Variants in NRXN3 observed in about 807,000 individuals in gnomAD.
NRXN3 encodes the protein neurexin III.
NRXN3 carries 32 observed loss-of-function variants against 137.6 expected under a neutral mutation model. That is an observed-to-expected ratio of 0.23 (90% CI 0.18 to 0.31). NRXN3 has a LOEUF of 0.31. NRXN3 is among the 10% of genes least tolerant of loss of function. The pLI, the probability that NRXN3 is intolerant of heterozygous loss-of-function variation, is 1.00. For missense variants in NRXN3, 1,574 were observed against 2,062.5 expected, an observed-to-expected ratio of 0.76 and a Z score of 4.59; for synonymous variants, 798 against 784.5, an observed-to-expected ratio of 1.02 and a Z score of -0.29.
At chr14:78,344,400 A>G (rs1257457103) in intron 4 of NRXN3, among the ~76,000 whole-genome samples, 2 of 152,224 alleles carry the variant, frequency 1.3e-5, no homozygotes, top group African/African-American at 2.4e-5. Flanking sequence ...TCACATGACA[A>G]CATTTCCTAA....
chr14:79,615,614 A>G (rs1380814722), intron 16 of NRXN3, among the ~76,000 whole-genome samples: 1 of 152,170 alleles, frequency 6.6e-6, no homozygotes, highest in Non-Finnish European at 1.5e-5. Context: ...GGAAACTTAC[A>G]ATCATGGTGG....
At chr14:79,045,551 G>T (rs2099631805) in intron 15 of NRXN3, among the ~76,000 whole-genome samples, 1 of 152,090 alleles carries the variant, frequency 6.6e-6, no homozygotes, top group African/African-American at 2.4e-5. Flanking sequence ...TCCCATGGAT[G>T]TTCTCTCTGT....
chr14:78,174,607 C>A (rs1345169543), intron 1 of NRXN3, among the ~76,000 whole-genome samples: 3 of 152,140 alleles, frequency 2.0e-5, no homozygotes, highest in African/African-American at 7.2e-5. Flanking sequence ...AAGCAGGAGG[C>A]TGCCTGCCTC....
chr14:78,692,846 C>T (rs1397310435), intron 6 of NRXN3, among the ~76,000 whole-genome samples: 3 of 149,468 alleles, frequency 2.0e-5, no homozygotes, highest in Admixed American at 6.6e-5. Flanking sequence ...TTTGGGAGGC[C>T]GAGGTGGGTG....
intron 16 of NRXN3, among the ~76,000 whole-genome samples, chr14:79,601,945 C>T (rs918837641): frequency 2.0e-5 from 3 of 150,800 alleles, no homozygotes; most frequent in Non-Finnish European, 4.4e-5. Context: ...CATCACAGCA[C>T]AGGAGCAATG....
chr14:78,917,106 G>T (rs1008435377), intron 10 of NRXN3, among the ~76,000 whole-genome samples: 1 of 152,156 alleles, frequency 6.6e-6, no homozygotes, highest in Admixed American at 6.5e-5. Flanking sequence ...TGTTTGGAGG[G>T]ACAGAATTCA....
At chr14:78,399,702 A>T (rs886497710) in intron 4 of NRXN3, among the ~76,000 whole-genome samples, 5 of 152,202 alleles carry the variant, frequency 3.3e-5, no homozygotes, top group Admixed American at 6.5e-5. Flanking sequence ...TGCATTGGCT[A>T]TTTTTGACAG....
chr14:78,919,032 T>C (rs1396126412), intron 10 of NRXN3, among the ~76,000 whole-genome samples: 1 of 152,216 alleles, frequency 6.6e-6, no homozygotes. Context: ...ATCCCAAATA[T>C]AATTGGTAAA....
intron 4 of NRXN3, among the ~76,000 whole-genome samples, chr14:78,555,067 C>A (rs561749748): frequency 2.3e-4 from 35 of 152,076 alleles, no homozygotes; most frequent in Non-Finnish European, 1.0e-4. Context: ...CACATACCAT[C>A]CTCTGTGTCT....
chr14:79,773,632 G>A (rs1187658478), intron 19 of NRXN3, among the ~76,000 whole-genome samples: 1 of 108,236 alleles, frequency 9.2e-6, no homozygotes, highest in Non-Finnish European at 1.8e-5. Context: ...CTGTTTTGGG[G>A]TGGGGGGAGG....
At chr14:79,036,370 G>T (rs2099615969) in intron 15 of NRXN3, among the ~76,000 whole-genome samples, 1 of 151,960 alleles carries the variant, frequency 6.6e-6, no homozygotes, top group African/African-American at 2.4e-5. Context: ...ACGAGAGTAT[G>T]ATAGATACTT....
rs553957969 is a variant in NRXN3 at position 79,094,979 on chromosome 14, A to AGAGAGTGTGTGTGTGTGTGT, written c.3262+106839_3262+106840insAGAGTGTGTGTGTGTGTGTG. Among the ~76,000 whole-genome samples, 115 of 115,926 alleles carry AGAGAGTGTGTGTGTGTGTGT rather than the reference A, an allele frequency of 9.9e-4. 1 individual carries two copies. The highest frequency in any genetic ancestry group is 2.8e-3 in the African/African-American group (88 of 31,156). The allele number at this position is 115,926 out of a possible 152,430, so 76.1% of individuals were successfully genotyped here. On this transcript the variant is annotated intron_variant, in intron 15 of 20. Transcript: ENST00000335750. ...GAGAGAGAGAGAGAGAGAGAGAGAG[A>AGAGAGTGTGTGTGTGTGTGT]GTGTGTGTGTGTGTGTGTGTGTGTG...
intron 15 of NRXN3, among the ~76,000 whole-genome samples, chr14:79,030,486 G>A (rs12436277): frequency 0.57 from 86,947 of 151,694 alleles, 26,139 homozygotes; most frequent in East Asian, 0.81. Context: ...TAATTTAGCT[G>A]CAGCCTTTTC....
chr14:78,845,014 G>A (rs933979975), intron 10 of NRXN3, among the ~76,000 whole-genome samples: 1 of 151,770 alleles, frequency 6.6e-6, no homozygotes, highest in Non-Finnish European at 1.5e-5. Flanking sequence ...ATAATAATGA[G>A]TTTTAGTTTG....
chr14:78,754,648 C>T (rs1172475116), intron 8 of NRXN3, among the ~76,000 whole-genome samples: 3 of 152,116 alleles, frequency 2.0e-5, no homozygotes, highest in Non-Finnish European at 2.9e-5. Flanking sequence ...TTTCAAAGTG[C>T]GACTGCCACA....
intron 16 of NRXN3, among the ~76,000 whole-genome samples, chr14:79,491,883 CT>C (rs943988073): frequency 6.6e-6 from 1 of 152,110 alleles, no homozygotes; most frequent in African/African-American, 2.4e-5. Flanking sequence ...ATTTGTTTTG[CT>C]ATTTAAAAAA....
At chr14:78,512,154 T>C (rs2153790808) in intron 4 of NRXN3, among the ~76,000 whole-genome samples, 1 of 152,176 alleles carries the variant, frequency 6.6e-6, no homozygotes, top group South Asian at 2.1e-4. Flanking sequence ...GGCCAAGTCA[T>C]CCACACCACC....
intron 2 of NRXN3, among the ~76,000 whole-genome samples, chr14:78,265,018 G>A (rs950527120): frequency 6.6e-6 from 1 of 152,196 alleles, no homozygotes; most frequent in Non-Finnish European, 1.5e-5. Context: ...AGTTCACACT[G>A]TTGTTTCTCT....
intron 4 of NRXN3, among the ~76,000 whole-genome samples, chr14:78,571,717 C>T (rs1015233851): frequency 3.3e-5 from 5 of 152,192 alleles, no homozygotes; most frequent in African/African-American, 1.2e-4. Context: ...ATTCACGCAA[C>T]ACAAAGTGCA....
Sources: allele counts gnomAD v4.1 joint callset (sites outside exome capture counted in the v4.1 genomes callset), GRCh38; gene constraint gnomAD v4.1.1; transcripts MANE v1.5; gene names NCBI Gene and HGNC (gene_info 2026-07-23, HGNC 2026-07-21).